DNPEP: variants seen among roughly 807,000 people sequenced by gnomAD.
The protein encoded by DNPEP is aspartyl aminopeptidase.
DNPEP carries 46 observed loss-of-function variants against 59.1 expected under a neutral mutation model. That is an observed-to-expected ratio of 0.78 (90% CI 0.61 to 0.99). DNPEP has a LOEUF of 0.99. Ranked by LOEUF, DNPEP falls within the 50% of genes least tolerant of loss-of-function variation. The pLI is 0.00. For missense variants in DNPEP, 617 were observed against 649.9 expected, an observed-to-expected ratio of 0.95 and a Z score of 0.55; for synonymous variants, 229 against 242.2, an observed-to-expected ratio of 0.95 and a Z score of 0.50.
upstream of DNPEP, among the ~76,000 whole-genome samples, chr2:219,390,534 T>A (rs1954000008): frequency 6.6e-6 from 1 of 152,140 alleles, no homozygotes; most frequent in African/African-American, 2.4e-5. Flanking sequence ...ACACCTAATC[T>A]CACTTTAAAC....
Position 219,374,360 on chromosome 2 carries a change from A to G in DNPEP, c.1408-18T>C. ...AAGAAGCCCTATAATGGGAGGCAAC[A>G]TGGAGTTTGGAATTAGTGAGTGACC... On this transcript the variant is annotated intron_variant, in intron 14 of 14. Transcript: ENST00000273075. 1 of 1,613,052 alleles carries G rather than the reference A, an allele frequency of 6.2e-7. No homozygotes were observed. The highest frequency in any genetic ancestry group is 8.5e-7 in the Non-Finnish European group (1 of 1,179,040).
chr2:219,379,065 A>G (rs1337875230), intron 13 of DNPEP, among the ~76,000 whole-genome samples: 1 of 151,970 alleles, frequency 6.6e-6, no homozygotes, highest in Non-Finnish European at 1.5e-5. Context: ...TTACAGGCGC[A>G]CACCACCATG....
In DNPEP at chr2:219,385,489, G is replaced by A. The variant is rs1320092454; in HGVS notation, c.709C>T (p.His237Tyr). The A allele has an allele frequency of 1.2e-6, 2 of 1,607,758 alleles. No individual in the cohort carries two copies. Among genetic ancestry groups the A allele is most frequent in the Admixed American group, 3.3e-5 (2 of 59,890 alleles). The change falls in exon 8 of 15, where the codon CAT becomes TAT. Residue 237 changes from histidine (H) to tyrosine (Y), a missense_variant. His to Tyr is a moderately conservative substitution (Grantham distance 83, BLOSUM62 2). Transcript: ENST00000273075. ...ATGTCCTTGGGGCTCAGCCCCAGAT[G>A]GGCACAGAGCAGGGACATGAGGACC... The part of the protein sequence containing the change: ...HSVLMSLLCA[H>Y]LGLSPKDIVE...
chr2:219,380,140 T>C (rs1406678443), intron 13 of DNPEP, among the ~76,000 whole-genome samples: 1 of 151,860 alleles, frequency 6.6e-6, no homozygotes, highest in South Asian at 2.1e-4. Flanking sequence ...AAGTGCCCTA[T>C]ACAGGTGGAC....
At chr2:219,374,433 A>T (rs746392621) in intron 14 of DNPEP, 91 bp from the exon 15 acceptor site, 5 of 1,225,818 alleles carry the variant, frequency 4.1e-6, no homozygotes, top group Non-Finnish European at 6.0e-6. Flanking sequence ...ATGTTCCAGC[A>T]AGAGAAGCAC....
intron 1 of DNPEP, chr2:219,387,531 AG>A: frequency 4.2e-6 from 6 of 1,440,112 alleles, no homozygotes; most frequent in Non-Finnish European, 5.5e-6. Context: ...CCGGAGCCAA[AG>A]CCCTGTACCC....
chr2:219,381,945 T>C (rs777790333), intron 11 of DNPEP, 34 bp downstream of exon 11: 4 of 1,611,060 alleles, frequency 2.5e-6, no homozygotes, highest in Admixed American at 1.7e-5. Flanking sequence ...TCTCCAGCTA[T>C]GTGAAGACTG....
At chr2:219,387,251 C>T in intron 1 of DNPEP, 88 bp from the exon 2 acceptor site, 1 of 1,518,218 alleles carries the variant, frequency 6.6e-7, no homozygotes, top group Non-Finnish European at 8.9e-7. Flanking sequence ...TCCCCACCCC[C>T]AGAAGTGACC....
chr2:219,372,223 C>T lies in DNPEP; in HGVS notation c.*2069G>A, dbSNP rs1473808736. On this transcript the variant is annotated 3_prime_UTR_variant, in exon 15 of 15. Coordinates refer to ENST00000273075, the MANE Select transcript of DNPEP (RefSeq NM_012100.4). ...GTAATACATGGTACATTCTGTTATA[C>T]AAAAGGAAACCATTACAAAAAGGCT... Among the ~76,000 whole-genome samples, 1 of 152,080 alleles carries T rather than the reference C, an allele frequency of 6.6e-6. No individual in the cohort carries two copies.
chr2:219,389,832 C>CAAAAAATAAATAAATAAATAAATAAATA, upstream of DNPEP, among the ~76,000 whole-genome samples: 2 of 143,030 alleles, frequency 1.4e-5, no homozygotes, highest in South Asian at 4.7e-4. Context: ...GATTCTGTCT[C>CAAAAAATAAATAAATAAATAAATAAATA]AATAAATAAA....
intron 10 of DNPEP, among the ~76,000 whole-genome samples, chr2:219,382,681 G>A (rs890489019): frequency 2.6e-5 from 4 of 152,028 alleles, no homozygotes; most frequent in African/African-American, 4.8e-5. Context: ...GAGCTGGAAC[G>A]GCCACCCTGA....
rs1169390117 is a variant in DNPEP at position 219,373,023 on chromosome 2, TAGTG to T, written c.*1265_*1268del. On this transcript the variant is annotated 3_prime_UTR_variant, in exon 15 of 15. Coordinates refer to ENST00000273075, the MANE Select transcript of DNPEP (RefSeq NM_012100.4). ...AGGACACCAGTTTGCACAATTATTT[TAGTG>T]GAAGGAAGGAGGTTGGTTTATAAGC... Among the ~76,000 whole-genome samples the T allele has an allele frequency of 6.6e-6, 1 of 152,026 alleles. No individual in the cohort carries two copies. Among genetic ancestry groups the T allele is most frequent in the Non-Finnish European group, 1.5e-5 (1 of 67,990 alleles).
chr2:219,396,674 C>T (rs1203332517), intron 1 of DNPEP, among the ~76,000 whole-genome samples: 1 of 152,056 alleles, frequency 6.6e-6, no homozygotes, highest in Admixed American at 6.5e-5. Context: ...ATACTAAAAA[C>T]AAAATTTAAC....
chr2:219,395,243 C>T (rs559158599), intron 1 of DNPEP, among the ~76,000 whole-genome samples: 15 of 152,276 alleles, frequency 9.9e-5, no homozygotes, highest in South Asian at 4.1e-4. Context: ...CCACTGGGCC[C>T]GGCCGACGTG....
intron 14 of DNPEP, among the ~76,000 whole-genome samples, 149 bp downstream of exon 14, chr2:219,374,699 GCCAGGAC>G (rs1559329098): frequency 6.6e-6 from 1 of 152,138 alleles, no homozygotes; most frequent in Non-Finnish European, 1.5e-5. Context: ...ACTGTGGTTG[GCCAGGAC>G]CCTTGTTTTC....
intron 1 of DNPEP, chr2:219,387,516 C>G: frequency 6.9e-7 from 1 of 1,440,930 alleles, no homozygotes; most frequent in Non-Finnish European, 9.1e-7. Context: ...GTGCGCGTAC[C>G]CAGCCCGGAG....
rs749799592 is a variant in DNPEP at position 219,373,783 on chromosome 2, G to A, written c.*509C>T. On this transcript the variant is annotated 3_prime_UTR_variant, in exon 15 of 15. Coordinates refer to ENST00000273075, the MANE Select transcript of DNPEP (RefSeq NM_012100.4). ...GATGAAGGGTGATAAGGTATAGACT[G>A]TGCCCTTCTCTTTGCAGCTCCTGAG... 5.6e-5 allele frequency: 9 copies of A among 160,364 alleles called. No homozygotes were observed. Among genetic ancestry groups the A allele is most frequent in the Non-Finnish European group, 9.6e-5 (7 of 73,158 alleles). The allele number at this position is 160,364 out of a possible 1,614,324, so 9.9% of individuals were successfully genotyped here. A position where few individuals can be genotyped will look rare whatever the true frequency, so the allele number is the denominator to read the frequency against.
upstream of DNPEP, among the ~76,000 whole-genome samples, chr2:219,391,286 G>A (rs1318233016): frequency 6.6e-6 from 1 of 152,054 alleles, no homozygotes; most frequent in Non-Finnish European, 1.5e-5. Context: ...CAGCTTCCCT[G>A]AACTTTGGGG....
intron 13 of DNPEP, among the ~76,000 whole-genome samples, chr2:219,380,558 T>C (rs1424273705): frequency 1.3e-5 from 2 of 152,092 alleles, no homozygotes; most frequent in Non-Finnish European, 2.9e-5. Flanking sequence ...CACTGACCAT[T>C]TTGTTACAGT....
Sources: gnomAD v4.1 joint callset for allele counts (sites outside exome capture counted in the v4.1 genomes callset) on GRCh38, gnomAD v4.1.1 for gene constraint, MANE v1.5 for transcripts, NCBI Gene and HGNC (gene_info 2026-07-23, HGNC 2026-07-21) for gene names.